RAD51B: variants seen among roughly 807,000 people sequenced by gnomAD.
RAD51B encodes DNA repair protein RAD51 homolog 2.
In RAD51B, 38 loss-of-function variants were observed where a neutral mutation model predicts 42.2. The observed-to-expected ratio is 0.90, with a 90% CI of 0.70 to 1.18. The LOEUF (loss-of-function observed/expected upper bound fraction) is 1.18, where lower values mean the gene tolerates loss of function less well. RAD51B is among the 50% of genes most tolerant of loss of function. The pLI is 0.00. For synonymous variants in RAD51B, 154 were observed against 145.2 expected (o/e 1.06, Z -0.43); for missense variants, 373 against 400.7 (o/e 0.93, Z 0.59).
At chr14:68,033,497 T>C (rs2076077627) in intron 7 of RAD51B, among the ~76,000 whole-genome samples, 1 of 152,246 alleles carries the variant, frequency 6.6e-6, no homozygotes, top group Non-Finnish European at 1.5e-5. Context: ...TATTCATTTT[T>C]CCAGCTGTAT....
intron 11 of RAD51B, among the ~76,000 whole-genome samples, chr14:68,670,278 G>A (rs1041843202): frequency 4.6e-5 from 7 of 152,182 alleles, no homozygotes; most frequent in South Asian, 2.1e-4. Context: ...ATGGGGCTCC[G>A]GGGCTTGGTG....
At chr14:68,070,682 C>T (rs1008645782) in intron 7 of RAD51B, among the ~76,000 whole-genome samples, 1 of 152,014 alleles carries the variant, frequency 6.6e-6, no homozygotes, top group African/African-American at 2.4e-5. Context: ...TTACTGTAGC[C>T]TTGTAGTATA....
chr14:67,934,908 G>T (rs2044881142), intron 7 of RAD51B, among the ~76,000 whole-genome samples: 1 of 152,140 alleles, frequency 6.6e-6, no homozygotes, highest in Non-Finnish European at 1.5e-5. Flanking sequence ...CTGGCTCTTT[G>T]TAGAATTTAG....
At chr14:68,471,773 C>G (rs1341756011) in intron 10 of RAD51B, among the ~76,000 whole-genome samples, 2 of 151,906 alleles carry the variant, frequency 1.3e-5, no homozygotes, top group African/African-American at 2.4e-5. Flanking sequence ...TCAACTCAGG[C>G]CATTAACATG....
intron 7 of RAD51B, among the ~76,000 whole-genome samples, chr14:68,249,769 G>A (rs753079096): frequency 6.6e-6 from 1 of 152,214 alleles, no homozygotes; most frequent in Non-Finnish European, 1.5e-5. Context: ...AGTGAGTCAT[G>A]GTAATCAGGG....
intron 4 of RAD51B, among the ~76,000 whole-genome samples, chr14:67,862,219 A>G (rs1192402137): frequency 6.6e-6 from 1 of 152,148 alleles, no homozygotes; most frequent in African/African-American, 2.4e-5. Context: ...TACTATAAAC[A>G]TATTTCAAAA....
chr14:68,147,921 G>C (rs918562922), intron 7 of RAD51B, among the ~76,000 whole-genome samples: 8 of 151,948 alleles, frequency 5.3e-5, no homozygotes, highest in Non-Finnish European at 8.8e-5. Flanking sequence ...CCACACTCAA[G>C]ATAATTAACA....
At chr14:68,523,203 T>C (rs879674783) in intron 10 of RAD51B, among the ~76,000 whole-genome samples, 5 of 152,112 alleles carry the variant, frequency 3.3e-5, no homozygotes, top group African/African-American at 1.2e-4. Context: ...GTGATGAGAG[T>C]AGAAAGCGGA....
In RAD51B at chr14:68,125,271, C is replaced by CT. The variant is rs531638189; in HGVS notation, c.757-166607dup. 22 of 152,274 alleles carry CT rather than the reference C, an allele frequency of 1.4e-4. No homozygotes were observed. In the East Asian group the frequency reaches 4.0e-3, roughly 28 times the overall value. The allele number at this position is 152,274 out of a possible 1,614,324, so 9.4% of individuals were successfully genotyped here. ...AAAAAAGATTGTCTTGTGTTTACTT[C>CT]TTTTTTAATTCTCTCATTGTCTTCA... is the stretch of plus-strand genomic sequence containing the variant. On this transcript the variant is annotated intron_variant, in intron 7 of 10. Transcript: ENST00000471583.
chr14:68,282,552 A>T (rs1281379844), intron 7 of RAD51B, among the ~76,000 whole-genome samples: 1 of 152,196 alleles, frequency 6.6e-6, no homozygotes, highest in East Asian at 1.9e-4. Flanking sequence ...GCATTGCTTC[A>T]GCTGCCCCCA....
chr14:68,223,683 A>T (rs563126010), intron 7 of RAD51B, among the ~76,000 whole-genome samples: 2 of 149,330 alleles, frequency 1.3e-5, no homozygotes, highest in Non-Finnish European at 1.5e-5. Flanking sequence ...TTTTTAAAAT[A>T]TTTTTTAAAA....
chr14:68,250,013 A>G (rs2080587521), intron 7 of RAD51B, among the ~76,000 whole-genome samples: 1 of 152,188 alleles, frequency 6.6e-6, no homozygotes, highest in South Asian at 2.1e-4. Context: ...GCAGGACTCA[A>G]ATTTCCAGGG....
intron 9 of RAD51B, among the ~76,000 whole-genome samples, chr14:68,446,992 G>A (rs1266290025): frequency 2.6e-5 from 4 of 152,144 alleles, no homozygotes; most frequent in Non-Finnish European, 4.4e-5. Flanking sequence ...CGAGGCGGGC[G>A]GATCACCTGC....
intron 7 of RAD51B, among the ~76,000 whole-genome samples, chr14:68,067,604 C>G (rs1488404697): frequency 6.6e-6 from 1 of 151,888 alleles, no homozygotes; most frequent in African/African-American, 2.4e-5. Context: ...AAGGCATGAT[C>G]CTTGTTCTCA....
At chr14:68,465,876 G>A (rs1166513170) in intron 9 of RAD51B, among the ~76,000 whole-genome samples, 3 of 151,452 alleles carry the variant, frequency 2.0e-5, no homozygotes, top group African/African-American at 7.3e-5. Flanking sequence ...AGGAGGTGGA[G>A]CTTGCAGTGA....
At chr14:67,856,982 T>A (rs1213386096) in intron 4 of RAD51B, among the ~76,000 whole-genome samples, 3 of 152,280 alleles carry the variant, frequency 2.0e-5, no homozygotes, top group African/African-American at 7.2e-5. Context: ...AAGAAGCAAA[T>A]AACTTAGCCT....
At chr14:68,398,747 T>C (rs2083999779) in intron 8 of RAD51B, among the ~76,000 whole-genome samples, 1 of 152,176 alleles carries the variant, frequency 6.6e-6, no homozygotes, top group Admixed American at 6.5e-5. Flanking sequence ...CAGAATGATG[T>C]CTTCTGAGAT....
intron 7 of RAD51B, among the ~76,000 whole-genome samples, chr14:68,219,696 T>C (rs1270470915): frequency 2.6e-5 from 4 of 152,046 alleles, no homozygotes; most frequent in African/African-American, 9.7e-5. Context: ...AGCCCTTGAA[T>C]CCCAGATCTT....
chr14:68,542,703 A>T (rs1439789378), intron 10 of RAD51B, among the ~76,000 whole-genome samples: 1 of 152,232 alleles, frequency 6.6e-6, no homozygotes, highest in Admixed American at 6.5e-5. Context: ...AGAAAAAAAT[A>T]AGTTCAAATT....
Sources: allele counts gnomAD v4.1 joint callset (sites outside exome capture counted in the v4.1 genomes callset), GRCh38; gene constraint gnomAD v4.1.1; transcripts MANE v1.5; gene names NCBI Gene and HGNC (gene_info 2026-07-23, HGNC 2026-07-21).